COL8A2: variants seen among roughly 807,000 people sequenced by gnomAD.
COL8A2 encodes collagen type VIII alpha 2 chain.
Under a neutral mutation model 24.0 loss-of-function variants are expected in COL8A2, and 16 were observed. That is an observed-to-expected ratio of 0.67 (90% CI 0.45 to 1.01). The LOEUF (loss-of-function observed/expected upper bound fraction) is 1.01, where lower values mean the gene tolerates loss of function less well. COL8A2 is among the 50% of genes least tolerant of loss of function. The pLI is 0.00. For missense variants in COL8A2, 818 were observed against 942.4 expected, an observed-to-expected ratio of 0.87 and a Z score of 1.73; for synonymous variants, 466 against 424.5, an observed-to-expected ratio of 1.10 and a Z score of -1.20.
In COL8A2 at chr1:36,100,035, TGAG is replaced by T. The variant is rs1294332775; in HGVS notation, c.193+12_193+14del. On this transcript the variant is annotated intron_variant, in intron 3 of 3. Transcript: ENST00000397799. The stretch of plus-strand genomic sequence containing the variant: ...GGGAGCGATTTGAGGCACTGTGGGG[TGAG>T]GAGGCTCTCACCCAGGTACTGGCCT... 1 of 1,609,050 alleles carries T rather than the reference TGAG, an allele frequency of 6.2e-7. No homozygotes were observed.
rs550694898 is a variant in COL8A2 at position 36,097,753 on chromosome 1, G to A, written c.1928C>T (p.Pro643Leu). 39 of 1,613,836 alleles carry A rather than the reference G, an allele frequency of 2.4e-5. No individual in the cohort carries two copies. The highest frequency in any genetic ancestry group is 4.5e-5 in the East Asian group (2 of 44,876). ...GTACTCATCGTAGGTATAGGTGGCC[G>A]GCACGTTGTTCTTGTACAGGGCCAC... ...VWVALYKNNV[P>L]ATYTYDEYKK... Residue 643 changes from proline to leucine, a missense_variant, in exon 4 of 4, where the codon CCG (proline) becomes CTG (leucine). This residue lies in a region of COL8A2 where 235 missense variants were observed against 297.3 expected (regional missense o/e 0.79). Coordinates refer to ENST00000397799, the MANE Select transcript of COL8A2 (RefSeq NM_005202.4).
intron 2 of COL8A2, 100 bp from the exon 3 acceptor site, chr1:36,100,358 A>G (rs559778161): frequency 2.8e-6 from 3 of 1,058,580 alleles, no homozygotes; most frequent in South Asian, 2.8e-5. Flanking sequence ...TACACTGGAG[A>G]TTTCAGTCAA....
At chr1:36,105,044 AGGGTGG>A (rs1643738580) in intron 2 of COL8A2, among the ~76,000 whole-genome samples, 1 of 152,022 alleles carries the variant, frequency 6.6e-6, no homozygotes, top group African/African-American at 2.4e-5. Flanking sequence ...GTGGAGTTTG[AGGGTGG>A]GTTGTGGGCG....
chr1:36,108,333 G>A lies in COL8A2; in HGVS notation c.-17+7375C>T, dbSNP rs568424292. Among the ~76,000 whole-genome samples, 6 of 152,344 alleles carry A rather than the reference G, an allele frequency of 3.9e-5. No individual in the cohort carries two copies. The East Asian group carries it at 1.2e-3, about 29-fold the overall frequency. ...ACAGTGGCCAAGCAGGGCCGTCAAG[G>A]GTCAGGGGCTGGGCCCTGAGGCTCA... On this transcript the variant is annotated intron_variant, in intron 2 of 3. Coordinates refer to ENST00000397799, the MANE Select transcript of COL8A2 (RefSeq NM_005202.4).
At chr1:36,100,018 T>C (rs1643651009) in intron 3 of COL8A2, 32 bp downstream of exon 3, 6 of 1,600,028 alleles carry the variant, frequency 3.7e-6, no homozygotes, top group Non-Finnish European at 5.1e-6. Context: ...CTGGGAGCGA[T>C]TTGAGGCACT....
intron 1 of COL8A2, among the ~76,000 whole-genome samples, chr1:36,118,980 A>G (rs1400447161): frequency 6.6e-6 from 1 of 152,114 alleles, no homozygotes; most frequent in African/African-American, 2.4e-5. Flanking sequence ...TGAGACCTCC[A>G]CCTGGGCCTC....
chr1:36,105,480 C>T (rs775163737), intron 2 of COL8A2, among the ~76,000 whole-genome samples: 17 of 152,222 alleles, frequency 1.1e-4, no homozygotes, highest in Non-Finnish European at 2.4e-4. Flanking sequence ...AGCCTCCCCT[C>T]AGCACAGGCT....
chr1:36,116,634 C>T (rs1051105538), intron 1 of COL8A2, among the ~76,000 whole-genome samples: 3 of 152,352 alleles, frequency 2.0e-5, no homozygotes, highest in Non-Finnish European at 2.9e-5. Flanking sequence ...TTAAGCTTCC[C>T]CTGAAGGCTT....
At position 36,098,910 on chromosome 1, in the gene COL8A2, A is replaced by G. The variant is rs750988107; in HGVS notation, c.771T>C (p.Pro257=). 6.2e-7 allele frequency: 1 copy of G among 1,608,044 alleles called. No individual in the cohort carries two copies. Among genetic ancestry groups the G allele is most frequent in the Non-Finnish European group, 8.5e-7 (1 of 1,178,042 alleles). ...APGDKGESGP[P]GVPGPRGEPG... ...GCTCCCCCCTGGGGCCTGGAACTCC[A>G]GGAGGCCCAGACTCACCCTTGTCTC... is the stretch of plus-strand genomic sequence containing the variant. The change falls in exon 4 of 4, where the codon CCT becomes CCC. Residue 257 remains proline, a synonymous_variant. Coordinates refer to ENST00000397799, the MANE Select transcript of COL8A2 (RefSeq NM_005202.4).
At chr1:36,121,076 G>A (rs1228455817) in intron 1 of COL8A2, among the ~76,000 whole-genome samples, 1 of 138,430 alleles carries the variant, frequency 7.2e-6, no homozygotes, top group Non-Finnish European at 1.6e-5. Flanking sequence ...GCGACAGAGT[G>A]AGACTCCGTC....
chr1:36,116,232 G>T (rs1643878948), intron 1 of COL8A2, among the ~76,000 whole-genome samples: 1 of 152,124 alleles, frequency 6.6e-6, no homozygotes, highest in South Asian at 2.1e-4. Context: ...CCTGAGGGAA[G>T]CAGGGTATGT....
intron 1 of COL8A2, among the ~76,000 whole-genome samples, chr1:36,118,783 A>G (rs564780383): frequency 6.6e-5 from 10 of 151,580 alleles, no homozygotes; most frequent in Non-Finnish European, 1.3e-4. Context: ...TGAGGTGCTG[A>G]TGGCCATGAG....
At chr1:36,112,003 ATTTG>A (rs968022351) in intron 2 of COL8A2, among the ~76,000 whole-genome samples, 4 of 151,516 alleles carry the variant, frequency 2.6e-5, no homozygotes, top group African/African-American at 4.9e-5. Context: ...TATTTAATTA[ATTTG>A]TTTATTTATT....
chr1:36,099,269 C>G lies in COL8A2; in HGVS notation c.412G>C (p.Gly138Arg), dbSNP rs1274592773. Residue 138 changes from glycine (G) to arginine (R), a missense_variant, in exon 4 of 4, where the codon GGG becomes CGG. Gly to Arg is a moderately radical substitution (Grantham distance 125). Coordinates refer to ENST00000397799, the MANE Select transcript of COL8A2 (RefSeq NM_005202.4). The stretch of plus-strand genomic sequence containing the variant: ...GGCTCCCCCCGAAGCCCCGGCTGCC[C>G]TGGTGGCCCGACCTTGCCAGGGAGC... ...PGLPGKVGPP[G>R]QPGLRGEPGI... 6.4e-7 allele frequency: 1 copy of G among 1,552,342 alleles called. No homozygotes were observed. The highest frequency in any genetic ancestry group is 8.7e-7 in the Non-Finnish European group (1 of 1,148,462).
In COL8A2 at chr1:36,123,671, G is replaced by A. The variant is rs1643930839; in HGVS notation, c.-62+1386C>T. On this transcript the variant is annotated intron_variant, in intron 1 of 3. Transcript: ENST00000397799. The surrounding 1 kb of genome is among the most constrained non-coding windows in gnomAD (Gnocchi z 4.1). ...CCGCCTGTGTCTTGTGGTGGTGTAT[G>A]TTTCATTAGAGGAGGGTGTCCGCAT... 6.6e-6 allele frequency among the ~76,000 whole-genome samples: 1 copy of A among 152,130 alleles called. No individual in the cohort carries two copies. The highest frequency in any genetic ancestry group is 2.4e-5 in the African/African-American group (1 of 41,426).
At position 36,100,887 on chromosome 1, in the gene COL8A2, C is replaced by CTTTTTTTTTTTTTTT. The variant is rs139330748; in HGVS notation, c.-16-644_-16-630dup. Among the ~76,000 whole-genome samples the CTTTTTTTTTTTTTTT allele has an allele frequency of 2.4e-4, 12 of 50,162 alleles. 1 individual carries two copies. In the East Asian group the frequency reaches 6.7e-3, roughly 28 times the overall value. The allele number at this position is 50,162 out of a possible 152,430, so 32.9% of individuals were successfully genotyped here. On this transcript the variant is annotated intron_variant, in intron 2 of 3. Coordinates refer to ENST00000397799, the MANE Select transcript of COL8A2 (RefSeq NM_005202.4). ...ATGGCGCTTAGCATAGCATTCAAGG[C>CTTTTTTTTTTTTTTT]TTTTTTTTTTTTTTTTTTTTTTTTT...
chr1:36,112,066 C>G (rs527324670), intron 2 of COL8A2, among the ~76,000 whole-genome samples: 1 of 152,100 alleles, frequency 6.6e-6, no homozygotes, highest in African/African-American at 2.4e-5. Flanking sequence ...TGCAGTGACG[C>G]GATCTTGGCT....
rs766775820 is a variant in COL8A2, at chr1:36,097,563, C to G, written c.*6G>C. The G allele has an allele frequency of 1.3e-5, 20 of 1,598,764 alleles. No homozygotes were observed. Among genetic ancestry groups the G allele is most frequent in the Admixed American group, 1.7e-5 (1 of 59,356 alleles). On this transcript the variant is annotated 3_prime_UTR_variant, in exon 4 of 4. Coordinates refer to ENST00000397799, the MANE Select transcript of COL8A2 (RefSeq NM_005202.4). ...GAGGCCAGGGCAGCAGGACCCCCCC[C>G]GCGGGTTATGTGGGGCAGAGCAAGA...
In COL8A2 at chr1:36,098,685, G is replaced by A. The variant is rs1643618924; in HGVS notation, c.996C>T (p.Val332=). 1 of 1,609,278 alleles carries A rather than the reference G, an allele frequency of 6.2e-7. No homozygotes were observed. The highest frequency in any genetic ancestry group is 8.5e-7 in the Non-Finnish European group (1 of 1,178,890). The change falls in exon 4 of 4, where the codon GTC becomes GTT. Residue 332 remains valine, a synonymous_variant. Coordinates refer to ENST00000397799, the MANE Select transcript of COL8A2 (RefSeq NM_005202.4). ...CACCCCTGTCCCCCAAGAGTCCTGG[G>A]ACCCCAGCTGGGCCCCTGTCCCCCT... ...GPKGDRGPAG[V]PGLLGDRGEP... is the part of the protein sequence containing the mutation.
Sources: gnomAD v4.1 joint callset for allele counts (sites outside exome capture counted in the v4.1 genomes callset) on GRCh38, gnomAD v4.1.1 for gene constraint, gnomAD v4.1.1 regional missense constraint, Gnocchi (gnomAD v3.1) non-coding constraint, MANE v1.5 for transcripts, NCBI Gene and HGNC (gene_info 2026-07-23, HGNC 2026-07-21) for gene names.